The following CSGALNACT1 variants were observed in gnomAD, a reference collection of about 807,000 sequenced individuals.
The protein encoded by CSGALNACT1 is beta4GalNAcT-1.
Under a neutral mutation model 51.0 loss-of-function variants are expected in CSGALNACT1, and 52 were observed. That is an observed-to-expected ratio of 1.02 (90% confidence interval 0.82 to 1.29). The LOEUF (loss-of-function observed/expected upper bound fraction) is 1.29, where lower values mean the gene tolerates loss of function less well. Ranked by LOEUF, CSGALNACT1 falls within the 50% of genes most tolerant of loss-of-function variation. The pLI is 0.00. For missense variants in CSGALNACT1, 935 were observed against 679.2 expected (o/e 1.38, Z -4.19); for synonymous variants, 341 against 254.4 (o/e 1.34, Z -3.24).
chr8:19,449,127 T>C (rs1262384121), intron 5 of CSGALNACT1, among the ~76,000 whole-genome samples: 1 of 152,186 alleles, frequency 6.6e-6, no homozygotes, highest in Non-Finnish European at 1.5e-5. Context: ...TTTTCCTGAC[T>C]GTCCATTTCA....
intron 1 of CSGALNACT1, among the ~76,000 whole-genome samples, chr8:19,620,232 T>C (rs542971763): frequency 6.1e-4 from 92 of 149,636 alleles, no homozygotes; most frequent in African/African-American, 2.2e-3. Context: ...GGAGAATTGC[T>C]TGAACCCGAG....
At chr8:19,596,310 A>C (rs936717560) in intron 2 of CSGALNACT1, among the ~76,000 whole-genome samples, 2 of 152,058 alleles carry the variant, frequency 1.3e-5, no homozygotes, top group African/African-American at 4.8e-5. Flanking sequence ...TAGAGTCATG[A>C]TTTTCCACAA....
intron 5 of CSGALNACT1, among the ~76,000 whole-genome samples, chr8:19,451,982 A>T (rs1586319959): frequency 6.6e-6 from 1 of 152,240 alleles, no homozygotes; most frequent in African/African-American, 2.4e-5. Flanking sequence ...CATGGGAAGG[A>T]TAATGCTTTA....
At chr8:19,603,064 A>C (rs1344447158), upstream of CSGALNACT1, among the ~76,000 whole-genome samples, 3 of 148,820 alleles carry the variant, frequency 2.0e-5, no homozygotes, top group Admixed American at 2.1e-4. Context: ...ACACACACAC[A>C]CACACACACA....
chr8:19,755,472 A>AAAAAAAAAAAAAAAAAAAAAAG (rs1343012879), intron 1 of CSGALNACT1, among the ~76,000 whole-genome samples: 2 of 150,156 alleles, frequency 1.3e-5, no homozygotes, highest in Non-Finnish European at 3.0e-5. Flanking sequence ...AAAAAAAAAA[A>AAAAAAAAAAAAAAAAAAAAAAG]AAAAAAAAAG....
intron 3 of CSGALNACT1, among the ~76,000 whole-genome samples, chr8:19,555,008 G>A (rs565257767): frequency 6.7e-6 from 1 of 149,060 alleles, no homozygotes; most frequent in African/African-American, 2.6e-5. Flanking sequence ...GGGACGCCGA[G>A]CGGGGGTGAA....
intron 3 of CSGALNACT1, among the ~76,000 whole-genome samples, chr8:19,547,118 A>C (rs1000623686): frequency 6.6e-6 from 1 of 152,202 alleles, no homozygotes; most frequent in Non-Finnish European, 1.5e-5. Flanking sequence ...TCTTTCCAGC[A>C]AGAAAAAAAG....
intron 1 of CSGALNACT1, among the ~76,000 whole-genome samples, chr8:19,756,684 C>T (rs1473226313): frequency 6.6e-6 from 1 of 152,144 alleles, no homozygotes; most frequent in African/African-American, 2.4e-5. Flanking sequence ...CCCACTAGCC[C>T]GGTCCCGGGC....
intron 3 of CSGALNACT1, among the ~76,000 whole-genome samples, chr8:19,590,681 G>C (rs531104656): frequency 2.7e-5 from 3 of 110,242 alleles, no homozygotes; most frequent in African/African-American, 1.1e-4. Flanking sequence ...ATGGAGTCTC[G>C]CTCTGTCGCC....
At chr8:19,492,756 G>C (rs549018129) in intron 4 of CSGALNACT1, among the ~76,000 whole-genome samples, 1 of 152,278 alleles carries the variant, frequency 6.6e-6, no homozygotes, top group African/African-American at 2.4e-5. Flanking sequence ...TGAATGTTTA[G>C]CCTCAAACTA....
intron 3 of CSGALNACT1, among the ~76,000 whole-genome samples, chr8:19,575,784 T>TC (rs1448190370): frequency 6.6e-6 from 1 of 152,120 alleles, no homozygotes; most frequent in African/African-American, 2.4e-5. Context: ...CTGATTTTTT[T>TC]CAAGAAACAA....
chr8:19,707,158 TG>T (rs2062219799), intron 1 of CSGALNACT1, among the ~76,000 whole-genome samples: 1 of 152,012 alleles, frequency 6.6e-6, no homozygotes, highest in Admixed American at 6.6e-5. Flanking sequence ...AAAAGTAGCA[TG>T]GGGTGTAAAC....
intron 4 of CSGALNACT1, among the ~76,000 whole-genome samples, chr8:19,486,737 A>T (rs2153946081): frequency 6.6e-6 from 1 of 152,136 alleles, no homozygotes; most frequent in African/African-American, 2.4e-5. Flanking sequence ...AAACGCATTG[A>T]TTGTTCCTCT....
At chr8:19,653,478 A>G (rs1322806205) in intron 1 of CSGALNACT1, among the ~76,000 whole-genome samples, 3 of 152,124 alleles carry the variant, frequency 2.0e-5, no homozygotes, top group East Asian at 1.9e-4. Context: ...TCTCATCTAT[A>G]TGTGTTGAGA....
intron 3 of CSGALNACT1, among the ~76,000 whole-genome samples, chr8:19,581,117 T>C (rs1191240322): frequency 6.6e-6 from 1 of 152,130 alleles, no homozygotes; most frequent in Non-Finnish European, 1.5e-5. Flanking sequence ...CCAAAACTGA[T>C]GAAAGGTATC....
intron 5 of CSGALNACT1, among the ~76,000 whole-genome samples, chr8:19,444,222 A>T (rs1284581933): frequency 6.6e-6 from 1 of 152,232 alleles, no homozygotes; most frequent in Non-Finnish European, 1.5e-5. Flanking sequence ...TGTAGACTTT[A>T]AATCATTTCC....
At chr8:19,636,440 T>C (rs1041274873) in intron 1 of CSGALNACT1, among the ~76,000 whole-genome samples, 3 of 152,210 alleles carry the variant, frequency 2.0e-5, no homozygotes, top group Admixed American at 6.5e-5. Context: ...GTGTAAGCGA[T>C]ACCAAAATCC....
chr8:19,757,085 G>C lies in CSGALNACT1; in HGVS notation c.-297+765C>G, dbSNP rs2065444844. On this transcript the variant is annotated intron_variant, in intron 1 of 1. Coordinates refer to the CSGALNACT1 transcript ENST00000517494. The surrounding 1 kb of genome is among the most constrained non-coding windows in gnomAD (Gnocchi z 4.0). ...CCACCCCGAGGTCGCGGGGTGGGCG[G>C]GCGCGAGCTAGGCGCGCGGGGCTGT... 1 of 150,264 alleles carries C rather than the reference G, an allele frequency of 6.7e-6. No homozygotes were observed. Among genetic ancestry groups the C allele is most frequent in the African/African-American group, 2.4e-5 (1 of 41,218 alleles). The allele number at this position is 150,264 out of a possible 1,614,324, so 9.3% of individuals were successfully genotyped here.
rs746553886 is a variant in CSGALNACT1 at position 19,693,562 on chromosome 8, G to A, written c.-297+64288C>T. On this transcript the variant is annotated intron_variant, in intron 1 of 1. Coordinates refer to the CSGALNACT1 transcript ENST00000517494. Reference sequence around the variant, plus strand: ...CTCTCATGTCTTCAATCTTGATCACGCCTTACCTGCTGCCCACCCAACTGA... The same window carrying A: ...CTCTCATGTCTTCAATCTTGATCACACCTTACCTGCTGCCCACCCAACTGA... Among the ~76,000 whole-genome samples, 16 of 152,066 alleles carry A rather than the reference G, an allele frequency of 1.1e-4. 1 individual carries two copies. Among genetic ancestry groups the A allele is most frequent in the Middle Eastern group, 3.4e-3 (1 of 294 alleles).
Sources: allele counts gnomAD v4.1 joint callset (sites outside exome capture counted in the v4.1 genomes callset), GRCh38; gene constraint gnomAD v4.1.1; non-coding constraint Gnocchi (gnomAD v3.1); transcripts MANE v1.5; gene names NCBI Gene and HGNC (gene_info 2026-07-23, HGNC 2026-07-21).